Variants in RNF212B observed in about 807,000 individuals in gnomAD.
RNF212B encodes the protein E3 ubiquitin-protein ligase RNF212B.
RNF212B carries 52 observed loss-of-function variants against 55.5 expected under a neutral mutation model. The observed-to-expected ratio is 0.94, with a 90% CI of 0.75 to 1.18. The LOEUF is 1.18. Ranked by LOEUF, RNF212B falls within the 50% of genes most tolerant of loss-of-function variation. The pLI, the probability that RNF212B is intolerant of heterozygous loss-of-function variation, is 0.00. For synonymous variants in RNF212B, 99 were observed against 121.4 expected (o/e 0.82, Z 1.21); for missense variants, 289 against 350.4 (o/e 0.82, Z 1.40).
At chr14:23,259,034 A>T (rs930734918) in intron 5 of RNF212B, among the ~76,000 whole-genome samples, 2 of 151,748 alleles carry the variant, frequency 1.3e-5, no homozygotes, top group Non-Finnish European at 2.9e-5. Context: ...AAAAAATTTT[A>T]AACAAAAATT....
intron 9 of RNF212B, 32 bp from the exon 10 acceptor site, chr14:23,264,142 C>T: frequency 6.7e-7 from 1 of 1,496,004 alleles, no homozygotes; most frequent in Admixed American, 2.3e-5. Context: ...AGGTTTTTTG[C>T]CTTTTTTTTC....
In RNF212B at chr14:23,222,749, T is replaced by C. The variant is rs10151351; in HGVS notation, c.-1-17596T>C. 6.4e-3 allele frequency among the ~76,000 whole-genome samples: 977 copies of C among 152,146 alleles called. 10 individuals carry two copies. Among genetic ancestry groups the C allele is most frequent in the African/African-American group, 0.022 (926 of 41,512 alleles). On this transcript the variant is annotated intron_variant, in intron 2 of 15. Coordinates refer to the RNF212B transcript ENST00000399910. ...AATGCTAGTAAACCAAATTCAACAATACATTAAAAAGATTGTTCATCAGCT... is the reference window on the plus strand; with the variant it reads ...AATGCTAGTAAACCAAATTCAACAACACATTAAAAAGATTGTTCATCAGCT...
At chr14:23,238,528 G>A (rs1216443697) in intron 1 of RNF212B, among the ~76,000 whole-genome samples, 1 of 151,654 alleles carries the variant, frequency 6.6e-6, no homozygotes, top group Non-Finnish European at 1.5e-5. Context: ...AGGAGTTCCA[G>A]ACCAGCCTGG....
chr14:23,258,326 G>A (rs1027758869), intron 4 of RNF212B, among the ~76,000 whole-genome samples: 3 of 115,390 alleles, frequency 2.6e-5, no homozygotes, highest in Middle Eastern at 5.9e-3. Flanking sequence ...CAACAATAGC[G>A]AAACTCTGTC....
At chr14:23,241,348 C>T (rs543759580) in intron 2 of RNF212B, among the ~76,000 whole-genome samples, 2 of 152,212 alleles carry the variant, frequency 1.3e-5, no homozygotes, top group East Asian at 1.9e-4. Flanking sequence ...TAGGCAGTGT[C>T]GGATGATGGA....
chr14:23,215,186 A>G (rs116580013), intron 2 of RNF212B, among the ~76,000 whole-genome samples: 6,969 of 151,396 alleles, frequency 0.046, 574 homozygotes, highest in African/African-American at 0.16. Flanking sequence ...AGTTCCCCCC[A>G]CCCCTCTGCC....
chr14:23,263,645 T>G (rs898878977), intron 9 of RNF212B, among the ~76,000 whole-genome samples: 2 of 152,128 alleles, frequency 1.3e-5, no homozygotes, highest in African/African-American at 4.8e-5. Flanking sequence ...AGGGAATCCC[T>G]CCTCTTGGGA....
At chr14:23,219,949 C>T (rs986084920) in intron 2 of RNF212B, among the ~76,000 whole-genome samples, 6 of 151,762 alleles carry the variant, frequency 4.0e-5, no homozygotes, top group East Asian at 2.0e-4. Context: ...TTTGGGAAGC[C>T]GAGGCAGGTG....
intron 2 of RNF212B, among the ~76,000 whole-genome samples, chr14:23,215,521 A>AACAC (rs1001576906): frequency 7.2e-5 from 11 of 152,220 alleles, no homozygotes; most frequent in Non-Finnish European, 1.0e-4. Context: ...CAAACAAACA[A>AACAC]ACACACACAC....
Position 23,260,640 on chromosome 14 carries a change from C to T in RNF212B, c.406-19C>T, listed in dbSNP as rs1429234166. Reference sequence around the variant, plus strand: ...TCCTCAGTTGCAGCTTTCTTCACTCCTGGTTTTTTCACCTATAGGAATCTC... The same window carrying T: ...TCCTCAGTTGCAGCTTTCTTCACTCTTGGTTTTTTCACCTATAGGAATCTC... On this transcript the variant is annotated intron_variant, in intron 6 of 14. Transcript: ENST00000430154. The T allele has an allele frequency of 6.5e-7, 1 of 1,550,220 alleles. No individual in the cohort carries two copies. Among genetic ancestry groups the T allele is most frequent in the Non-Finnish European group, 8.7e-7 (1 of 1,146,758 alleles).
In RNF212B at chr14:23,219,878, A is replaced by G. The variant is rs1166077500; in HGVS notation, c.-1-20467A>G. Among the ~76,000 whole-genome samples the G allele has an allele frequency of 2.0e-5, 3 of 152,204 alleles. No homozygotes were observed. The East Asian group carries it at 5.8e-4, about 29-fold the overall frequency. ...TATTTGCAAGCCTCACGATAACCTC[A>G]AATCAAAAAAACACACAACAAGGGC... On this transcript the variant is annotated intron_variant, in intron 2 of 15. Coordinates refer to the RNF212B transcript ENST00000399910.
At chr14:23,206,907 T>C (rs1879894413) in intron 2 of RNF212B, among the ~76,000 whole-genome samples, 1 of 150,204 alleles carries the variant, frequency 6.7e-6, no homozygotes, top group Non-Finnish European at 1.5e-5. Context: ...AAAACAAACT[T>C]TCGTTAAAAA....
intron 1 of RNF212B, among the ~76,000 whole-genome samples, chr14:23,188,661 G>T (rs1328980795): frequency 6.6e-6 from 1 of 151,866 alleles, no homozygotes; most frequent in African/African-American, 2.4e-5. Context: ...GTAAAGATGA[G>T]GTCTTACTGC....
intron 2 of RNF212B, among the ~76,000 whole-genome samples, chr14:23,232,180 TC>T (rs1030521787): frequency 7.0e-6 from 1 of 142,448 alleles, no homozygotes; most frequent in Non-Finnish European, 1.5e-5. Flanking sequence ...CCCGCCGCCA[TC>T]CCGTCTAAGA....
intron 14 of RNF212B, among the ~76,000 whole-genome samples, chr14:23,271,052 T>A (rs1266219933): frequency 6.6e-6 from 1 of 152,154 alleles, no homozygotes; most frequent in Non-Finnish European, 1.5e-5. Flanking sequence ...ACCGCTAGAA[T>A]AATATTTTAT....
intron 2 of RNF212B, among the ~76,000 whole-genome samples, chr14:23,214,365 A>C (rs1210695126): frequency 1.3e-5 from 2 of 152,002 alleles, no homozygotes; most frequent in Admixed American, 6.6e-5. Flanking sequence ...ATGGTGGTAC[A>C]TGCCTGTAAT....
chr14:23,215,862 T>C (rs1226641884), intron 2 of RNF212B, among the ~76,000 whole-genome samples: 1 of 152,204 alleles, frequency 6.6e-6, no homozygotes, highest in Non-Finnish European at 1.5e-5. Context: ...CCATTCTTAG[T>C]GAGTTATCTA....
chr14:23,202,400 C>T (rs939810809), intron 2 of RNF212B, among the ~76,000 whole-genome samples: 3 of 152,150 alleles, frequency 2.0e-5, no homozygotes, highest in Non-Finnish European at 4.4e-5. Context: ...CTTTCCAAAT[C>T]GGCCCTTACA....
At chr14:23,256,283 C>T (rs1273850806) in intron 4 of RNF212B, among the ~76,000 whole-genome samples, 1 of 152,028 alleles carries the variant, frequency 6.6e-6, no homozygotes, top group Non-Finnish European at 1.5e-5. Flanking sequence ...TATTATATAG[C>T]TTTATCTCTG....
Sources: allele counts gnomAD v4.1 joint callset (sites outside exome capture counted in the v4.1 genomes callset), GRCh38; gene constraint gnomAD v4.1.1; transcripts MANE v1.5; gene names NCBI Gene and HGNC (gene_info 2026-07-23, HGNC 2026-07-21).